LOXL2: variants seen among roughly 807,000 people sequenced by gnomAD.
The protein encoded by LOXL2 is lysyl oxidase homolog 2.
LOXL2 carries 70 observed loss-of-function variants against 93.0 expected under a neutral mutation model. The observed-to-expected ratio is 0.75, with a 90% confidence interval of 0.62 to 0.92. The LOEUF (loss-of-function observed/expected upper bound fraction) is 0.92, where lower values mean the gene tolerates loss of function less well. Among genes scored for constraint, LOXL2 ranks in the 40% least tolerant of loss-of-function variants. The pLI, the probability that LOXL2 is intolerant of heterozygous loss-of-function variation, is 0.00. For missense variants in LOXL2, 973 were observed against 1,054.9 expected (o/e 0.92, Z 1.08); for synonymous variants, 438 against 413.2 (o/e 1.06, Z -0.73).
intron 4 of LOXL2, among the ~76,000 whole-genome samples, chr8:23,334,795 T>C (rs2117174424): frequency 6.6e-6 from 1 of 151,536 alleles, no homozygotes; most frequent in South Asian, 2.1e-4. Context: ...CACTAGATTA[T>C]TGTGACAGTT....
At chr8:23,321,829 C>T in intron 7 of LOXL2, 1 of 345,512 alleles carries the variant, frequency 2.9e-6, no homozygotes, top group Non-Finnish European at 5.3e-6. Context: ...TTGTGGCTAG[C>T]CGGTCCCACG....
intron 9 of LOXL2, among the ~76,000 whole-genome samples, chr8:23,311,568 C>T (rs1378132620): frequency 6.6e-6 from 1 of 152,178 alleles, no homozygotes; most frequent in Non-Finnish European, 1.5e-5. Context: ...GTTAATGTAC[C>T]ATGGTTTGTG....
chr8:23,381,844 T>C (rs1804684822), intron 1 of LOXL2, among the ~76,000 whole-genome samples: 1 of 152,236 alleles, frequency 6.6e-6, no homozygotes, highest in Non-Finnish European at 1.5e-5. Flanking sequence ...CTTACATTGC[T>C]CACACGTAAC....
At position 23,297,962 on chromosome 8, in the gene LOXL2, C is replaced by T. The variant is rs913805508; in HGVS notation, c.*81G>A. On this transcript the variant is annotated 3_prime_UTR_variant, in exon 14 of 14. Transcript: ENST00000389131. ...GGGCTGGGTGAGGGCACGTGGCATT[C>T]GTTCAGACTCAGTTGTTGGGGGGAA... 54 of 1,214,742 alleles carry T rather than the reference C, an allele frequency of 4.4e-5. No homozygotes were observed. Among genetic ancestry groups the T allele is most frequent in the Non-Finnish European group, 5.5e-5 (46 of 832,710 alleles). 75.2% of individuals were successfully genotyped at this position (1,214,742 alleles called of 1,614,324 possible). A position where few individuals can be genotyped will look rare whatever the true frequency, so the allele number is the denominator to read the frequency against.
chr8:23,363,830 A>G (rs904681405), intron 2 of LOXL2: 1 of 152,236 alleles, frequency 6.6e-6, no homozygotes, highest in African/African-American at 2.4e-5. Context: ...AGCCCAAGAC[A>G]GCATCACCAT....
intron 6 of LOXL2, among the ~76,000 whole-genome samples, chr8:23,325,735 G>C (rs10097087): frequency 0.72 from 109,726 of 152,174 alleles, 39,732 homozygotes; most frequent in Middle Eastern, 0.77. Context: ...CGGCACTAAG[G>C]ACACAGAGAT....
Position 23,304,823 on chromosome 8 carries a change from G to A in LOXL2, c.1881-1426C>T, listed in dbSNP as rs1242395141. On this transcript the variant is annotated intron_variant, in intron 10 of 13. Coordinates refer to ENST00000389131, the MANE Select transcript of LOXL2 (RefSeq NM_002318.3). The stretch of plus-strand genomic sequence containing the variant: ...CTCACTTCCCCAGCCCCCTGCCCTT[G>A]GCCTCAGGTTCCCTCTGCTGTGTAC... Among the ~76,000 whole-genome samples, 8 of 152,156 alleles carry A rather than the reference G, an allele frequency of 5.3e-5. No homozygotes were observed. In the East Asian group the frequency reaches 1.5e-3, roughly 29 times the overall value.
chr8:23,387,524 A>ACTAG (rs1237763803), intron 1 of LOXL2, among the ~76,000 whole-genome samples: 1 of 152,234 alleles, frequency 6.6e-6, no homozygotes, highest in Admixed American at 6.5e-5. Flanking sequence ...AACGGCATGG[A>ACTAG]CTAGCGGCTT....
chr8:23,388,834 A>G (rs2117233993), intron 1 of LOXL2, among the ~76,000 whole-genome samples: 1 of 152,256 alleles, frequency 6.6e-6, no homozygotes, highest in Non-Finnish European at 1.5e-5. Flanking sequence ...AAAGACTTTT[A>G]AGCAGGGCTT....
At chr8:23,339,407 G>T (rs538736035) in intron 4 of LOXL2, among the ~76,000 whole-genome samples, 1 of 152,308 alleles carries the variant, frequency 6.6e-6, no homozygotes, top group South Asian at 2.1e-4. Context: ...ACAGACGAGA[G>T]GGTGGGAGGG....
At chr8:23,306,679 T>C (rs1172234082) in intron 10 of LOXL2, among the ~76,000 whole-genome samples, 2 of 152,266 alleles carry the variant, frequency 1.3e-5, no homozygotes, top group Non-Finnish European at 1.5e-5. Flanking sequence ...CCCGGAGGAC[T>C]GTCATCTGAG....
chr8:23,324,684 G>A lies in LOXL2; in HGVS notation c.1151-2403C>T, dbSNP rs561169481. 4.6e-5 allele frequency among the ~76,000 whole-genome samples: 7 copies of A among 152,232 alleles called. No homozygotes were observed. In the South Asian group the frequency reaches 1.5e-3, roughly 32 times the overall value. On this transcript the variant is annotated intron_variant, in intron 6 of 13. Coordinates refer to ENST00000389131, the MANE Select transcript of LOXL2 (RefSeq NM_002318.3). ...TCTCCACATACAAACCCTGGCCTAG[G>A]TGACCACAAGGCGTGAGGCAGAATT... is the stretch of plus-strand genomic sequence containing the variant.
chr8:23,328,770 G>A, intron 5 of LOXL2: 3 of 556,246 alleles, frequency 5.4e-6, no homozygotes, highest in Non-Finnish European at 9.6e-6. Flanking sequence ...GGGTGTGGGA[G>A]CTTCCTCTAT....
intron 3 of LOXL2, among the ~76,000 whole-genome samples, chr8:23,359,588 C>T (rs575305012): frequency 1.6e-4 from 25 of 152,266 alleles, no homozygotes; most frequent in Admixed American, 3.3e-4. Context: ...CCATGAGAGA[C>T]GCTGAGGAGA....
rs1563183937 is a variant in LOXL2 at position 23,303,286 on chromosome 8, T to C, written c.1992A>G (p.Glu664=). The C allele has an allele frequency of 1.9e-6, 3 of 1,607,674 alleles. No homozygotes were observed. Among genetic ancestry groups the C allele is most frequent in the Admixed American group, 3.3e-5 (2 of 59,986 alleles). The change falls in exon 11 of 14, where the codon GAA becomes GAG. Residue 664 remains glutamate, a synonymous_variant. Transcript: ENST00000389131. ...CCCCCCACTCCGCTCAGATACCTCCTTCACATTCTGTGTCCTCCAAGCAGA... is the reference window on the plus strand; with the variant it reads ...CCCCCCACTCCGCTCAGATACCTCCCTCACATTCTGTGTCCTCCAAGCAGA... ...ASFCLEDTEC[E]GDIQKNYECA...
chr8:23,337,471 TA>T (rs1803811975), intron 4 of LOXL2: 1 of 152,174 alleles, frequency 6.6e-6, no homozygotes, highest in Non-Finnish European at 1.5e-5. Context: ...AGATCCACTC[TA>T]ACATCCAACC....
chr8:23,302,275 C>T, intron 11 of LOXL2, 112 bp from the exon 12 acceptor site: 1 of 1,337,930 alleles, frequency 7.5e-7, no homozygotes, highest in Non-Finnish European at 1.0e-6. Context: ...CGGCATCCCA[C>T]CCCACTGTGT....
intron 4 of LOXL2, among the ~76,000 whole-genome samples, chr8:23,340,462 T>C (rs1389621526): frequency 6.6e-6 from 1 of 152,192 alleles, no homozygotes; most frequent in Non-Finnish European, 1.5e-5. Flanking sequence ...ATATTAACCT[T>C]AGCGATCATC....
At chr8:23,313,310 T>G (rs1331915282) in intron 9 of LOXL2, among the ~76,000 whole-genome samples, 1 of 152,116 alleles carries the variant, frequency 6.6e-6, no homozygotes, top group Admixed American at 6.5e-5. Flanking sequence ...AAAGTTCATG[T>G]GGAGCCAAAA....
Sources: allele counts gnomAD v4.1 joint callset (sites outside exome capture counted in the v4.1 genomes callset), GRCh38; gene constraint gnomAD v4.1.1; transcripts MANE v1.5; gene names NCBI Gene and HGNC (gene_info 2026-07-23, HGNC 2026-07-21).